DACH1: variants seen among roughly 807,000 people sequenced by gnomAD.
The protein encoded by DACH1 is dachshund homolog 1.
In DACH1, 12 loss-of-function variants were observed where a neutral mutation model predicts 54.2. The ratio of observed to expected loss-of-function variants is 0.22; its 90% CI spans 0.14 to 0.36. DACH1 has a LOEUF of 0.36. DACH1 is among the 10% of genes least tolerant of loss of function. The pLI is 1.00. For missense variants in DACH1, 805 were observed against 929.8 expected (o/e 0.87, Z 1.75); for synonymous variants, 386 against 366.2 (o/e 1.05, Z -0.62).
At chr13:71,643,203 C>T (rs995395805) in intron 2 of DACH1, among the ~76,000 whole-genome samples, 5 of 152,064 alleles carry the variant, frequency 3.3e-5, no homozygotes, top group African/African-American at 1.2e-4. Context: ...TTTGTAAAAT[C>T]AATGGTCATT....
chr13:71,462,047 G>A (rs777543101), intron 10 of DACH1, among the ~76,000 whole-genome samples: 1 of 151,754 alleles, frequency 6.6e-6, no homozygotes, highest in African/African-American at 2.4e-5. Flanking sequence ...CTTTCTCCCA[G>A]GGAGAAATAA....
chr13:71,461,000 A>G (rs1490622650), intron 10 of DACH1, among the ~76,000 whole-genome samples: 1 of 152,054 alleles, frequency 6.6e-6, no homozygotes, highest in Non-Finnish European at 1.5e-5. Context: ...AGACTTTGAC[A>G]CATTAACCAG....
At chr13:71,808,192 C>A (rs1887584195) in intron 1 of DACH1, among the ~76,000 whole-genome samples, 1 of 152,094 alleles carries the variant, frequency 6.6e-6, no homozygotes, top group Non-Finnish European at 1.5e-5. Context: ...TTCTGGCTTA[C>A]ACAGATATCC....
chr13:71,789,231 G>C (rs1886732684), intron 1 of DACH1, among the ~76,000 whole-genome samples: 1 of 151,922 alleles, frequency 6.6e-6, no homozygotes, highest in African/African-American at 2.4e-5. Flanking sequence ...ATTTAATTTA[G>C]GAAGAAACTA....
chr13:71,654,126 C>T lies in DACH1; in HGVS notation c.965-23409G>A, dbSNP rs1878879351. 2.0e-5 allele frequency among the ~76,000 whole-genome samples: 3 copies of T among 152,036 alleles called. No individual in the cohort carries two copies. In the South Asian group the frequency reaches 6.2e-4, roughly 32 times the overall value. On this transcript the variant is annotated intron_variant, in intron 2 of 10. Transcript: ENST00000613252. ...GACTAATAGGCCGGGCATAGTAGCT[C>T]ATGCTTATAATTCCAGCACTTTGGG...
chr13:71,478,524 C>A (rs1877768442), intron 8 of DACH1, among the ~76,000 whole-genome samples: 1 of 152,050 alleles, frequency 6.6e-6, no homozygotes, highest in Non-Finnish European at 1.5e-5. Flanking sequence ...AATAAACATG[C>A]AAATATAAAT....
At chr13:71,722,689 A>C (rs1381914725) in intron 1 of DACH1, among the ~76,000 whole-genome samples, 1 of 152,240 alleles carries the variant, frequency 6.6e-6, no homozygotes, top group African/African-American at 2.4e-5. Context: ...AAAGCCAGAC[A>C]CACAGTATCA....
chr13:71,760,428 C>T (rs1057314585), intron 1 of DACH1, among the ~76,000 whole-genome samples: 3 of 152,172 alleles, frequency 2.0e-5, no homozygotes, highest in Non-Finnish European at 4.4e-5. Flanking sequence ...ATTCTCACTG[C>T]GCTCTGTATT....
At chr13:71,622,280 G>A (rs1273095312) in intron 3 of DACH1, among the ~76,000 whole-genome samples, 1 of 151,898 alleles carries the variant, frequency 6.6e-6, no homozygotes, top group African/African-American at 2.4e-5. Flanking sequence ...TGGGCTCAGA[G>A]TTATAAGCTT....
chr13:71,799,988 C>T lies in DACH1; in HGVS notation c.848+65934G>A, dbSNP rs143062067. On this transcript the variant is annotated intron_variant, in intron 1 of 10. Transcript: ENST00000613252. ...AGAATGAATACTGCACTAGGAGTTA[C>T]GTGGGGTGGGGAGTGAACTCTTTGG... Among the ~76,000 whole-genome samples the T allele has an allele frequency of 5.9e-5, 9 of 152,000 alleles. No individual in the cohort carries two copies. The East Asian group carries it at 1.2e-3, about 20-fold the overall frequency.
At chr13:71,777,680 T>A (rs927701958) in intron 1 of DACH1, among the ~76,000 whole-genome samples, 3 of 152,172 alleles carry the variant, frequency 2.0e-5, no homozygotes, top group Admixed American at 6.6e-5. Context: ...TAAATTTTTG[T>A]TTTGTTTTGT....
At chr13:71,835,591 A>G (rs368892644) in intron 1 of DACH1, among the ~76,000 whole-genome samples, 9 of 152,160 alleles carry the variant, frequency 5.9e-5, no homozygotes, top group African/African-American at 2.2e-4. Flanking sequence ...ATTGGTGAAA[A>G]AAAGAGGCCC....
chr13:71,533,102 A>C (rs964090043), intron 6 of DACH1, among the ~76,000 whole-genome samples: 11 of 151,856 alleles, frequency 7.2e-5, no homozygotes, highest in Non-Finnish European at 1.3e-4. Flanking sequence ...GACTTAAAAA[A>C]AAAACAAATC....
chr13:71,679,827 C>CA (rs1411493739), intron 2 of DACH1, among the ~76,000 whole-genome samples: 3 of 148,130 alleles, frequency 2.0e-5, no homozygotes, highest in African/African-American at 5.0e-5. Context: ...TACTAAAATA[C>CA]AAAAAAAATT....
chr13:71,682,075 A>C (rs1880936354), intron 1 of DACH1, among the ~76,000 whole-genome samples, 165 bp from the exon 2 acceptor site: 1 of 152,206 alleles, frequency 6.6e-6, no homozygotes. Flanking sequence ...TTACATGCTG[A>C]ATTCATTTTC....
intron 1 of DACH1, among the ~76,000 whole-genome samples, chr13:71,789,915 G>T (rs1886765060): frequency 6.6e-6 from 1 of 152,128 alleles, no homozygotes; most frequent in Admixed American, 6.6e-5. Context: ...GAGATTCAAT[G>T]TCAGTGCCGG....
chr13:71,592,321 G>A (rs1043338634), intron 3 of DACH1, among the ~76,000 whole-genome samples: 3 of 151,388 alleles, frequency 2.0e-5, no homozygotes, highest in Admixed American at 2.0e-4. Flanking sequence ...AGACCAGGCT[G>A]GGCAACAAAA....
intron 1 of DACH1, among the ~76,000 whole-genome samples, chr13:71,817,129 A>G (rs1253759233): frequency 6.6e-6 from 1 of 152,206 alleles, no homozygotes; most frequent in Non-Finnish European, 1.5e-5. Flanking sequence ...AAGTAAAACA[A>G]AATTATTAAA....
chr13:71,644,702 A>C (rs1172484547), intron 2 of DACH1, among the ~76,000 whole-genome samples: 1 of 151,778 alleles, frequency 6.6e-6, no homozygotes, highest in Non-Finnish European at 1.5e-5. Context: ...TTTGGACAGA[A>C]CTGGGGCTCT....
Sources: gnomAD v4.1 joint callset for allele counts (sites outside exome capture counted in the v4.1 genomes callset) on GRCh38, gnomAD v4.1.1 for gene constraint, MANE v1.5 for transcripts, NCBI Gene and HGNC (gene_info 2026-07-23, HGNC 2026-07-21) for gene names.